PPARGC1A: variants seen among roughly 807,000 people sequenced by gnomAD.
PPARGC1A encodes peroxisome proliferator-activated receptor gamma coactivator 1-alpha.
PPARGC1A carries 25 observed loss-of-function variants against 88.7 expected under a neutral mutation model. The observed-to-expected ratio is 0.28, with a 90% CI of 0.21 to 0.39. The LOEUF is 0.39. Ranked by LOEUF, PPARGC1A falls within the 10% of genes least tolerant of loss-of-function variation. The pLI is 1.00. For missense variants in PPARGC1A, 880 were observed against 968.7 expected (o/e 0.91, Z 1.22); for synonymous variants, 363 against 355.6 (o/e 1.02, Z -0.24).
At chr4:23,901,963 C>T (rs185890884), upstream of PPARGC1A, among the ~76,000 whole-genome samples, 30 of 152,130 alleles carry the variant, frequency 2.0e-4, 1 homozygote, top group East Asian at 3.5e-3. Flanking sequence ...TGCCAGCCAA[C>T]GCAGTCGCCA....
At chr4:24,318,809 G>T in the PPARGC1A span, among the ~76,000 whole-genome samples, 1 of 152,156 alleles carries the variant, frequency 6.6e-6, no homozygotes, top group Non-Finnish European at 1.5e-5. Context: ...CCTCCAATCT[G>T]GTTGGTGATT....
the PPARGC1A span, among the ~76,000 whole-genome samples, chr4:24,185,361 T>G: frequency 2.5e-4 from 38 of 152,292 alleles, 1 homozygote; most frequent in Middle Eastern, 6.8e-3. Flanking sequence ...GAAGACTAAG[T>G]CAGGCTCATA....
the PPARGC1A span, among the ~76,000 whole-genome samples, chr4:24,217,128 C>T: frequency 6.6e-6 from 1 of 152,156 alleles, no homozygotes; most frequent in African/African-American, 2.4e-5. Context: ...GAGCTAAGGA[C>T]ATGAAGAGTT....
chr4:24,387,764 G>A, the PPARGC1A span, among the ~76,000 whole-genome samples: 4 of 76,608 alleles, frequency 5.2e-5, no homozygotes, highest in South Asian at 5.1e-4. Flanking sequence ...GAGAGAGAGA[G>A]AGAGAAAGAA....
At chr4:24,387,904 GAGAA>G in the PPARGC1A span, among the ~76,000 whole-genome samples, 2 of 25,204 alleles carry the variant, frequency 7.9e-5, no homozygotes, top group African/African-American at 1.6e-4. Context: ...GAAAAAGAAA[GAGAA>G]AGAAAGAAAG....
At chr4:24,134,152 C>T in the PPARGC1A span, among the ~76,000 whole-genome samples, 4 of 152,160 alleles carry the variant, frequency 2.6e-5, no homozygotes, top group Non-Finnish European at 2.9e-5. Flanking sequence ...CCATTCCTTC[C>T]GATACCTTTG....
At chr4:24,161,404 G>T in the PPARGC1A span, among the ~76,000 whole-genome samples, 3 of 152,224 alleles carry the variant, frequency 2.0e-5, no homozygotes, top group South Asian at 6.2e-4. Flanking sequence ...GGGCTTTGAA[G>T]GAAGGCAGAT....
chr4:24,107,952 G>A, the PPARGC1A span, among the ~76,000 whole-genome samples: 66 of 152,276 alleles, frequency 4.3e-4, no homozygotes, highest in African/African-American at 1.5e-3. Context: ...TGGTGACACT[G>A]GAAGGAAAAA....
the PPARGC1A span, among the ~76,000 whole-genome samples, chr4:24,131,462 T>C: frequency 1.6e-4 from 25 of 152,340 alleles, no homozygotes; most frequent in Non-Finnish European, 1.5e-4. Context: ...AGAACTCATA[T>C]GTTTGCCAGT....
the PPARGC1A span, among the ~76,000 whole-genome samples, chr4:24,099,340 C>G: frequency 1.3e-4 from 19 of 150,308 alleles, no homozygotes; most frequent in East Asian, 1.8e-3. Context: ...TCCCACCTGC[C>G]ATATCTTTTG....
the PPARGC1A span, among the ~76,000 whole-genome samples, chr4:24,111,406 G>A: frequency 1.3e-5 from 2 of 151,996 alleles, no homozygotes; most frequent in Non-Finnish European, 2.9e-5. Context: ...GATATTTTTT[G>A]ACACACATTA....
intron 1 of PPARGC1A, among the ~76,000 whole-genome samples, chr4:23,895,936 ATGTGTGTGTGTGTGTGTG>A (rs550243415): frequency 2.3e-5 from 3 of 130,640 alleles, no homozygotes; most frequent in Non-Finnish European, 5.0e-5. Context: ...AATTATAGAG[ATGTGTGTGTGTGTGTGTG>A]TGTGTGTGTG....
At chr4:24,079,390 T>C in the PPARGC1A span, among the ~76,000 whole-genome samples, 1 of 152,076 alleles carries the variant, frequency 6.6e-6, no homozygotes, top group African/African-American at 2.4e-5. Context: ...ATTTTTTTCA[T>C]ATATTTATTG....
chr4:24,338,333 A>G, the PPARGC1A span, among the ~76,000 whole-genome samples: 1 of 152,214 alleles, frequency 6.6e-6, no homozygotes, highest in Non-Finnish European at 1.5e-5. Context: ...GAAGAAAGGA[A>G]AAGAAGTATT....
the PPARGC1A span, among the ~76,000 whole-genome samples, chr4:24,062,774 A>G: frequency 6.6e-6 from 1 of 152,214 alleles, no homozygotes; most frequent in Non-Finnish European, 1.5e-5. Context: ...TTTATCATTG[A>G]CTATACTACC....
the PPARGC1A span, among the ~76,000 whole-genome samples, chr4:24,410,848 G>A: frequency 6.6e-6 from 1 of 152,128 alleles, no homozygotes; most frequent in Non-Finnish European, 1.5e-5. Context: ...CCAGGCCTTT[G>A]GCCACAGACT....
chr4:24,132,270 G>A, the PPARGC1A span, among the ~76,000 whole-genome samples: 15 of 149,234 alleles, frequency 1.0e-4, no homozygotes, highest in African/African-American at 3.5e-4. Flanking sequence ...ATCTGCCAGA[G>A]TACCTTTATG....
chr4:24,104,970 T>C, the PPARGC1A span, among the ~76,000 whole-genome samples: 3 of 152,194 alleles, frequency 2.0e-5, no homozygotes, highest in Non-Finnish European at 2.9e-5. Flanking sequence ...CATACTTCAC[T>C]GGGCTGATGT....
chr4:24,293,904 C>A, the PPARGC1A span, among the ~76,000 whole-genome samples: 1 of 152,064 alleles, frequency 6.6e-6, no homozygotes, highest in Non-Finnish European at 1.5e-5. Flanking sequence ...TTTTCCTAGA[C>A]ATGGGCCAAA....
Sources: gnomAD v4.1 joint callset for allele counts (sites outside exome capture counted in the v4.1 genomes callset) on GRCh38, gnomAD v4.1.1 for gene constraint, MANE v1.5 for transcripts, NCBI Gene and HGNC (gene_info 2026-07-23, HGNC 2026-07-21) for gene names.